Variants in SEMA4D observed in about 807,000 individuals in gnomAD.
SEMA4D encodes semaphorin-4D.
In SEMA4D, 22 loss-of-function variants were observed where a neutral mutation model predicts 74.8. The observed-to-expected ratio is 0.29, with a 90% CI of 0.21 to 0.42. The LOEUF (loss-of-function observed/expected upper bound fraction) is 0.42. SEMA4D is among the 10% of genes least tolerant of loss of function. The pLI is 1.00. For synonymous variants in SEMA4D, 445 were observed against 463.7 expected, an observed-to-expected ratio of 0.96 and a Z score of 0.52; for missense variants, 937 against 1,118.4, an observed-to-expected ratio of 0.84 and a Z score of 2.31.
chr9:89,450,686 A>AAAAAAAAAAAAC, intron 2 of SEMA4D: 10 of 945,102 alleles, frequency 1.1e-5, no homozygotes, highest in East Asian at 7.7e-5. Context: ...AAAAAAAAAA[A>AAAAAAAAAAAAC]AGGCCTCCAA....
chr9:89,397,043 G>A (rs777835847), intron 5 of SEMA4D, among the ~76,000 whole-genome samples: 2 of 152,186 alleles, frequency 1.3e-5, no homozygotes, highest in Non-Finnish European at 1.5e-5. Context: ...ACACTGGCCT[G>A]TTCTCGTACA....
In SEMA4D at chr9:89,378,738, A is replaced by C. The variant is rs1836279982; in HGVS notation, c.2555T>G (p.Leu852Arg). The C allele has an allele frequency of 6.2e-7, 1 of 1,614,148 alleles. No homozygotes were observed. Among genetic ancestry groups the C allele is most frequent in the Non-Finnish European group, 8.5e-7 (1 of 1,180,006 alleles). ...RDKPFDVKCE[L>R]KFADSDADGD ...ATCTGCGTCTGAGTCAGCGAACTTCAGCTCACACTTGACGTCAAAGGGCTT... is the reference window on the plus strand; with the variant it reads ...ATCTGCGTCTGAGTCAGCGAACTTCCGCTCACACTTGACGTCAAAGGGCTT... Residue 852 changes from leucine (L) to arginine (R), a missense_variant, in exon 16 of 16, where the codon CTG becomes CGG. Coordinates refer to ENST00000422704, the MANE Select transcript of SEMA4D (RefSeq NM_001371194.2).
chr9:89,462,981 A>AG (rs1564882493), intron 1 of SEMA4D, among the ~76,000 whole-genome samples: 2 of 144,476 alleles, frequency 1.4e-5, no homozygotes, highest in Admixed American at 6.9e-5. Flanking sequence ...GAGGGGAGCG[A>AG]GGGAGAAAGA....
In SEMA4D at chr9:89,480,733, C is replaced by T. The variant is rs555306680; in HGVS notation, c.-310+17186G>A. 5.3e-5 allele frequency among the ~76,000 whole-genome samples: 8 copies of T among 152,350 alleles called. No individual in the cohort carries two copies. In the South Asian group the frequency reaches 6.2e-4, roughly 12 times the overall value. The stretch of plus-strand genomic sequence containing the variant: ...CCGAGTGCGGGGCCCACCAAGCCCA[C>T]GCCCACCCGGAACTCCAGCTGGCCC... On this transcript the variant is annotated intron_variant, in intron 1 of 15. Transcript: ENST00000422704.
intron 1 of SEMA4D, among the ~76,000 whole-genome samples, chr9:89,458,031 TCAAA>T (rs567369104): frequency 2.0e-4 from 30 of 152,256 alleles, no homozygotes; most frequent in Middle Eastern, 3.4e-3. Context: ...AGACTGGGTC[TCAAA>T]CAAACAAACA....
intron 1 of SEMA4D, among the ~76,000 whole-genome samples, chr9:89,471,439 TAAAAC>T (rs764580820): frequency 5.3e-5 from 8 of 152,192 alleles, no homozygotes; most frequent in Non-Finnish European, 1.2e-4. Flanking sequence ...TGTATAAAAA[TAAAAC>T]AATAAAAGAA....
At position 89,490,536 on chromosome 9, in the gene SEMA4D, T is replaced by C. The variant is rs757114905; in HGVS notation, c.-310+7383A>G. On this transcript the variant is annotated intron_variant, in intron 1 of 15. Transcript: ENST00000422704. The stretch of plus-strand genomic sequence containing the variant: ...TCAATAAATTATATTCAACACTTTA[T>C]TATAAAAAAGGCTTTGTGTTAGATG... 3.3e-5 allele frequency among the ~76,000 whole-genome samples: 5 copies of C among 152,074 alleles called. No individual in the cohort carries two copies. The East Asian group carries it at 9.7e-4, about 30-fold the overall frequency.
At chr9:89,495,088 T>C (rs567053758) in intron 1 of SEMA4D, among the ~76,000 whole-genome samples, 6 of 152,150 alleles carry the variant, frequency 3.9e-5, no homozygotes, top group Non-Finnish European at 7.4e-5. Context: ...CAGTCATTGC[T>C]TTCATGGGCA....
At chr9:89,362,537 A>G (rs923050699) in intron 18 of SEMA4D, 1 of 1,587,392 alleles carries the variant, frequency 6.3e-7, no homozygotes, top group African/African-American at 1.3e-5. Context: ...TCAAGGCCTC[A>G]GCCCCCTGTT....
At chr9:89,383,789 A>T (rs986655078) in intron 13 of SEMA4D, among the ~76,000 whole-genome samples, 1 of 152,206 alleles carries the variant, frequency 6.6e-6, no homozygotes, top group Non-Finnish European at 1.5e-5. Flanking sequence ...AGGCAAAGAA[A>T]AAAAGCCTGA....
At chr9:89,427,010 C>T (rs1341069279) in intron 2 of SEMA4D, among the ~76,000 whole-genome samples, 4 of 152,178 alleles carry the variant, frequency 2.6e-5, no homozygotes, top group African/African-American at 9.7e-5. Flanking sequence ...CAATTACTGC[C>T]CATATGGATG....
At chr9:89,433,971 C>T (rs947061140) in intron 2 of SEMA4D, among the ~76,000 whole-genome samples, 6 of 152,206 alleles carry the variant, frequency 3.9e-5, no homozygotes, top group African/African-American at 1.2e-4. Flanking sequence ...CCCATGCAGA[C>T]GTGGGCAGGA....
chr9:89,413,892 CTGTG>C (rs1247893242), intron 2 of SEMA4D, among the ~76,000 whole-genome samples: 1 of 152,294 alleles, frequency 6.6e-6, no homozygotes, highest in African/African-American at 2.4e-5. Flanking sequence ...ATGTGCGCAT[CTGTG>C]TGTGCATGTG....
chr9:89,491,848 A>G (rs1645254922), intron 1 of SEMA4D, among the ~76,000 whole-genome samples: 2 of 152,140 alleles, frequency 1.3e-5, no homozygotes, highest in Non-Finnish European at 2.9e-5. Context: ...GCGATGGGAC[A>G]GCCCCATGCA....
intron 2 of SEMA4D, among the ~76,000 whole-genome samples, chr9:89,430,921 G>T (rs1270291894): frequency 1.3e-5 from 2 of 152,202 alleles, no homozygotes; most frequent in Non-Finnish European, 2.9e-5. Context: ...AGGCTGCAGT[G>T]AGCCAAGATC....
chr9:89,386,394 G>C lies in SEMA4D; in HGVS notation c.1419C>G (p.Val473=), dbSNP rs764926050. The part of the protein sequence containing the change: ...ETQLFQDFEP[V]QTLLLSSKKG... ...TCTTTGAAGACAGCAGCAGGGTCTGGACTGGCTCAAAGTCCTGGAAGAGCT... is the reference window on the plus strand; with the variant it reads ...TCTTTGAAGACAGCAGCAGGGTCTGCACTGGCTCAAAGTCCTGGAAGAGCT... The change falls in exon 13 of 16, where the codon GTC becomes GTG. Residue 473 remains valine, a synonymous_variant. Transcript: ENST00000422704. The C allele has an allele frequency of 1.8e-5, 29 of 1,613,774 alleles. No individual in the cohort carries two copies. In the South Asian group the frequency reaches 3.0e-4, roughly 16 times the overall value.
intron 1 of SEMA4D, among the ~76,000 whole-genome samples, chr9:89,467,063 C>T (rs553841561): frequency 1.3e-5 from 2 of 152,362 alleles, no homozygotes; most frequent in African/African-American, 2.4e-5. Flanking sequence ...GTGAAGTTAA[C>T]GGGGGTTGTC....
chr9:89,473,699 A>T (rs1861032170), intron 1 of SEMA4D, among the ~76,000 whole-genome samples: 1 of 152,090 alleles, frequency 6.6e-6, no homozygotes, highest in Non-Finnish European at 1.5e-5. Flanking sequence ...TACTAAAAAT[A>T]CAAAAATTAG....
chr9:89,437,221 T>TAG (rs1299064926), intron 2 of SEMA4D, among the ~76,000 whole-genome samples: 2 of 152,184 alleles, frequency 1.3e-5, no homozygotes, highest in African/African-American at 4.8e-5. Context: ...GGCCTGATCC[T>TAG]AGTGGGCATT....
Sources: gnomAD v4.1 joint callset for allele counts (sites outside exome capture counted in the v4.1 genomes callset) on GRCh38, gnomAD v4.1.1 for gene constraint, MANE v1.5 for transcripts, NCBI Gene and HGNC (gene_info 2026-07-23, HGNC 2026-07-21) for gene names.